CSMD1: variants seen among roughly 807,000 people sequenced by gnomAD.
CSMD1 encodes CUB and Sushi multiple domains 1.
CSMD1 carries 213 observed loss-of-function variants against 417.5 expected under a neutral mutation model. The observed-to-expected ratio is 0.51, with a 90% confidence interval of 0.46 to 0.57. The LOEUF is 0.57. Among genes scored for constraint, CSMD1 ranks in the 20% least tolerant of loss-of-function variants. CSMD1 has a pLI of 0.00. For synonymous variants in CSMD1, 2,862 were observed against 1,736.8 expected (o/e 1.65, Z -16.11); for missense variants, 6,923 against 4,529.7 (o/e 1.53, Z -15.17).
At chr8:4,415,168 C>G (rs1170458729) in intron 3 of CSMD1, among the ~76,000 whole-genome samples, 1 of 152,040 alleles carries the variant, frequency 6.6e-6, no homozygotes, top group Non-Finnish European at 1.5e-5. Flanking sequence ...AGGCTCAGCT[C>G]CAGGCTCTCT....
intron 5 of CSMD1, among the ~76,000 whole-genome samples, chr8:3,790,237 G>C (rs760831769): frequency 6.6e-6 from 1 of 152,128 alleles, no homozygotes; most frequent in Non-Finnish European, 1.5e-5. Context: ...CTTTATCAGG[G>C]AAGAGTGCAT....
chr8:3,219,193 C>T (rs775377022), intron 29 of CSMD1, 62 bp downstream of exon 29: 1 of 1,337,464 alleles, frequency 7.5e-7, no homozygotes, highest in South Asian at 1.3e-5. Context: ...CAAAGCAATG[C>T]CTACAATAAA....
intron 1 of CSMD1, among the ~76,000 whole-genome samples, chr8:4,843,119 G>A (rs142052401): frequency 5.0e-4 from 76 of 152,198 alleles, no homozygotes; most frequent in African/African-American, 1.8e-3. Flanking sequence ...ATTGAGAGTC[G>A]AGGAAATGAA....
chr8:3,657,390 G>C (rs1336462128), intron 7 of CSMD1, among the ~76,000 whole-genome samples: 2 of 151,986 alleles, frequency 1.3e-5, no homozygotes, highest in South Asian at 2.1e-4. Context: ...AAACTGTATG[G>C]TATCAAAGGT....
chr8:4,750,763 A>AG (rs937332439), intron 1 of CSMD1, among the ~76,000 whole-genome samples: 2 of 152,330 alleles, frequency 1.3e-5, no homozygotes, highest in African/African-American at 4.8e-5. Flanking sequence ...GGAAAAAAAA[A>AG]AAAAAGTAGT....
At chr8:3,890,722 G>A (rs1285340844) in intron 5 of CSMD1, among the ~76,000 whole-genome samples, 1 of 152,130 alleles carries the variant, frequency 6.6e-6, no homozygotes, top group African/African-American at 2.4e-5. Flanking sequence ...AAGATATTGG[G>A]AGCATGATGC....
At chr8:4,477,445 G>C (rs905910977) in intron 2 of CSMD1, among the ~76,000 whole-genome samples, 1 of 152,198 alleles carries the variant, frequency 6.6e-6, no homozygotes, top group African/African-American at 2.4e-5. Flanking sequence ...ACTGAGTCTG[G>C]TAAAACACAT....
chr8:4,678,100 G>A (rs1194180568), intron 1 of CSMD1, among the ~76,000 whole-genome samples: 1 of 152,092 alleles, frequency 6.6e-6, no homozygotes, highest in African/African-American at 2.4e-5. Flanking sequence ...TTATCAAGCT[G>A]GAAGGAGCAA....
chr8:3,353,151 C>T (rs1367367682), intron 21 of CSMD1, among the ~76,000 whole-genome samples: 2 of 152,176 alleles, frequency 1.3e-5, no homozygotes, highest in African/African-American at 2.4e-5. Context: ...GGGCTACTTG[C>T]TTATGACTTT....
chr8:4,130,334 T>G (rs1361701162), intron 3 of CSMD1, among the ~76,000 whole-genome samples: 2 of 152,158 alleles, frequency 1.3e-5, no homozygotes, highest in Non-Finnish European at 2.9e-5. Flanking sequence ...GGTCTTCTAT[T>G]CCAAAGACCC....
chr8:3,438,876 G>A (rs987611142), intron 12 of CSMD1, among the ~76,000 whole-genome samples: 6 of 151,858 alleles, frequency 4.0e-5, no homozygotes, highest in South Asian at 2.1e-4. Flanking sequence ...AGCACTTTGG[G>A]AGGCCAAGGC....
intron 3 of CSMD1, among the ~76,000 whole-genome samples, chr8:4,091,669 C>G (rs907636811): frequency 2.6e-5 from 4 of 152,178 alleles, no homozygotes; most frequent in African/African-American, 9.7e-5. Context: ...AATCAATGCT[C>G]ACTCCCTAAA....
At chr8:3,668,860 C>T (rs1798838504) in intron 7 of CSMD1, among the ~76,000 whole-genome samples, 1 of 152,166 alleles carries the variant, frequency 6.6e-6, no homozygotes, top group South Asian at 2.1e-4. Flanking sequence ...AATTATATTG[C>T]TCTGGTGGCT....
intron 12 of CSMD1, among the ~76,000 whole-genome samples, chr8:3,466,034 T>C (rs542709319): frequency 6.6e-6 from 1 of 152,146 alleles, no homozygotes; most frequent in African/African-American, 2.4e-5. Flanking sequence ...ACACTATTAT[T>C]TATATAATGA....
chr8:4,278,025 G>C (rs915672094), intron 3 of CSMD1, among the ~76,000 whole-genome samples: 7 of 152,116 alleles, frequency 4.6e-5, no homozygotes, highest in Non-Finnish European at 1.0e-4. Flanking sequence ...GGGATTACAA[G>C]CATGAGCCAC....
At chr8:3,897,210 C>G (rs1306353642) in intron 5 of CSMD1, among the ~76,000 whole-genome samples, 1 of 152,074 alleles carries the variant, frequency 6.6e-6, no homozygotes, top group Non-Finnish European at 1.5e-5. Context: ...GTTATCAAAA[C>G]AAAGGAGTGA....
intron 5 of CSMD1, among the ~76,000 whole-genome samples, chr8:3,822,602 G>A (rs1216028677): frequency 6.6e-6 from 1 of 152,068 alleles, no homozygotes; most frequent in East Asian, 1.9e-4. Flanking sequence ...TTTTCTCTGG[G>A]CACCACCTTC....
chr8:3,271,207 C>G (rs1801827405), intron 26 of CSMD1, among the ~76,000 whole-genome samples: 1 of 151,576 alleles, frequency 6.6e-6, no homozygotes, highest in African/African-American at 2.4e-5. Flanking sequence ...CGATAGTTTA[C>G]TGAGAATGAT....
intron 5 of CSMD1, among the ~76,000 whole-genome samples, chr8:3,922,755 G>C (rs1007743488): frequency 2.6e-5 from 4 of 151,880 alleles, no homozygotes; most frequent in African/African-American, 9.7e-5. Context: ...ATTATTGTAG[G>C]TATGGTTATT....
Sources: allele counts gnomAD v4.1 joint callset (sites outside exome capture counted in the v4.1 genomes callset), GRCh38; gene constraint gnomAD v4.1.1; transcripts MANE v1.5; gene names NCBI Gene and HGNC (gene_info 2026-07-23, HGNC 2026-07-21).